Variants in SLC12A2 observed in about 807,000 individuals in gnomAD.
SLC12A2 encodes the protein Na-K-2Cl cotransporter 1.
A neutral mutation model predicts 136.3 loss-of-function variants in SLC12A2; 67 were observed. The observed-to-expected ratio is 0.49, with a 90% CI of 0.40 to 0.60. The LOEUF (loss-of-function observed/expected upper bound fraction) is 0.60. Among genes scored for constraint, SLC12A2 ranks in the 20% least tolerant of loss-of-function variants. The probability of loss-of-function intolerance (pLI) is 0.00; values close to 1 mark genes in which losing one functional copy is unlikely to be tolerated. For synonymous variants in SLC12A2, 619 were observed against 562.9 expected, an observed-to-expected ratio of 1.10 and a Z score of -1.41; for missense variants, 1,322 against 1,534.7, an observed-to-expected ratio of 0.86 and a Z score of 2.32.
chr5:128,184,098 GT>G (rs1763793672), intron 24 of SLC12A2, among the ~76,000 whole-genome samples: 1 of 151,980 alleles, frequency 6.6e-6, no homozygotes, highest in South Asian at 2.1e-4. Flanking sequence ...TGCTTAGAAA[GT>G]TTTAGATTTT....
rs1465917652 is a variant in SLC12A2, at chr5:128,180,889, C to T, written c.3107C>T (p.Thr1036Ile). The T allele has an allele frequency of 6.4e-7, 1 of 1,569,400 alleles. No homozygotes were observed. Among genetic ancestry groups the T allele is most frequent in the Non-Finnish European group, 8.8e-7 (1 of 1,141,222 alleles). ...TTACATTTTTATAATTCAGGTTTGA[C>T]CTTATTGATACCTTACCTTCTGACG... is the stretch of plus-strand genomic sequence containing the variant. ...VWWLFDDGGL[T>I]LLIPYLLTTK... is the part of the protein sequence containing the mutation. Residue 1036 changes from threonine (T) to isoleucine (I), a missense_variant, in exon 23 of 27, where the codon ACC becomes ATC. By Grantham distance (89) the Thr-to-Ile change is moderately conservative. This residue lies in a region of SLC12A2 where 172 missense variants were observed against 227.4 expected (regional missense o/e 0.76). Coordinates refer to ENST00000262461, the MANE Select transcript of SLC12A2 (RefSeq NM_001046.3).
In SLC12A2 at chr5:128,084,152, C is replaced by A; in HGVS notation, c.198C>A (p.Asp66Glu). The change falls in exon 1 of 27, where the codon GAC (aspartate) becomes GAA (glutamate). Residue 66 changes from aspartate (D) to glutamate (E), a missense_variant. Coordinates refer to ENST00000262461, the MANE Select transcript of SLC12A2 (RefSeq NM_001046.3). This position sits in a 1 kb window ranked among gnomAD's most constrained non-coding sequence, Gnocchi z 5.6. ...ATGAGGGCCCCGCGGCGGCCGGGGA[C>A]GGGCTGGGCAGACCCTTGGGGCCCA... ...VRDEGPAAAG[D>E]GLGRPLGPTP... is the part of the protein sequence containing the mutation. 1 of 1,292,122 alleles carries A rather than the reference C, an allele frequency of 7.7e-7. No homozygotes were observed. The highest frequency in any genetic ancestry group is 2.4e-5 in the South Asian group (1 of 41,488). 80.0% of individuals were successfully genotyped at this position (1,292,122 alleles called of 1,614,324 possible).
intron 4 of SLC12A2, among the ~76,000 whole-genome samples, chr5:128,126,465 A>G (rs1028256892): frequency 1.3e-5 from 2 of 152,182 alleles, no homozygotes; most frequent in Non-Finnish European, 1.5e-5. Flanking sequence ...TATGGAGGAC[A>G]GTTTGGAAGT....
chr5:128,142,662 G>T (rs553382210), intron 10 of SLC12A2, among the ~76,000 whole-genome samples: 7 of 152,086 alleles, frequency 4.6e-5, no homozygotes, highest in African/African-American at 1.7e-4. Flanking sequence ...ATTCTGTTCT[G>T]TTGATCTTCG....
chr5:128,105,732 C>T (rs551760597), intron 1 of SLC12A2, among the ~76,000 whole-genome samples: 1 of 152,202 alleles, frequency 6.6e-6, no homozygotes, highest in African/African-American at 2.4e-5. Context: ...TTCTCTACAT[C>T]CTGCAAGGAA....
chr5:128,182,012 G>T (rs1763722313), intron 23 of SLC12A2, among the ~76,000 whole-genome samples: 1 of 146,298 alleles, frequency 6.8e-6, no homozygotes, highest in Non-Finnish European at 1.5e-5. Context: ...ATCACATTAT[G>T]GCTGGTATTA....
intron 9 of SLC12A2, 24 bp downstream of exon 9, chr5:128,138,932 T>C: frequency 6.6e-7 from 1 of 1,512,340 alleles, no homozygotes; most frequent in Non-Finnish European, 9.2e-7. Flanking sequence ...CATTTCTTTA[T>C]GTGTCGCAGA....
intron 1 of SLC12A2, among the ~76,000 whole-genome samples, chr5:128,107,658 A>G (rs1336929321): frequency 1.3e-5 from 2 of 152,196 alleles, no homozygotes; most frequent in East Asian, 1.9e-4. Context: ...TTCTATGTGT[A>G]TATGTGCAAC....
rs1026328290 is a variant in SLC12A2, at chr5:128,131,385, C to T, written c.1188+179C>T. Reference sequence around the variant, plus strand: ...TACTATTAGAATGTCAGCAGTGGGCCGGGCGCGGTGGCTCGCGCATGTAAT... The same window carrying T: ...TACTATTAGAATGTCAGCAGTGGGCTGGGCGCGGTGGCTCGCGCATGTAAT... On this transcript the variant is annotated intron_variant, in intron 5 of 26. Transcript: ENST00000262461. Among the ~76,000 whole-genome samples, 5 of 152,118 alleles carry T rather than the reference C, an allele frequency of 3.3e-5. No individual in the cohort carries two copies. The South Asian group carries it at 6.2e-4, about 19-fold the overall frequency.
chr5:128,176,696 TGTTCA>T lies in SLC12A2; in HGVS notation c.2930-405_2930-401del, dbSNP rs1001863053. Among the ~76,000 whole-genome samples the T allele has an allele frequency of 6.8e-4, 104 of 152,140 alleles. 1 individual carries two copies. Among genetic ancestry groups the T allele is most frequent in the African/African-American group, 2.4e-3 (101 of 41,564 alleles). On this transcript the variant is annotated intron_variant, in intron 20 of 26. Transcript: ENST00000262461. ...ATCCATTAAATGTTTCTAAAATTGC[TGTTCA>T]GTTATTTGCACAGTGATGGCATGTT...
chr5:128,121,077 T>A (rs925312743), intron 4 of SLC12A2, among the ~76,000 whole-genome samples: 20 of 152,094 alleles, frequency 1.3e-4, no homozygotes, highest in Non-Finnish European at 2.8e-4. Context: ...TAGGAGAGAT[T>A]TAATATTACT....
At chr5:128,107,088 CT>C (rs1408259160) in intron 1 of SLC12A2, among the ~76,000 whole-genome samples, 2 of 152,196 alleles carry the variant, frequency 1.3e-5, no homozygotes, top group Middle Eastern at 3.4e-3. Context: ...GGCAGATTTT[CT>C]TGTTCTGGCT....
At chr5:128,155,769 G>A (rs1032005350) in intron 15 of SLC12A2, among the ~76,000 whole-genome samples, 3 of 152,118 alleles carry the variant, frequency 2.0e-5, no homozygotes, top group African/African-American at 7.2e-5. Context: ...CCTTAATGTA[G>A]ATTAATGTGG....
intron 1 of SLC12A2, among the ~76,000 whole-genome samples, chr5:128,103,870 TG>T (rs1421240168): frequency 2.6e-5 from 4 of 152,174 alleles, no homozygotes; most frequent in Non-Finnish European, 4.4e-5. Flanking sequence ...GATAAGAGTT[TG>T]GGGTATTATA....
intron 15 of SLC12A2, among the ~76,000 whole-genome samples, chr5:128,157,210 T>C (rs1762894636): frequency 6.6e-6 from 1 of 152,208 alleles, no homozygotes; most frequent in Non-Finnish European, 1.5e-5. Context: ...ATAAATCCTT[T>C]TCTGAAGGAA....
At chr5:128,132,802 ATAT>A (rs2126700036) in intron 5 of SLC12A2, among the ~76,000 whole-genome samples, 1 of 152,164 alleles carries the variant, frequency 6.6e-6, no homozygotes, top group East Asian at 1.9e-4. Context: ...ATTAGAGTTT[ATAT>A]TCTTTCATTG....
intron 4 of SLC12A2, among the ~76,000 whole-genome samples, chr5:128,122,670 G>A (rs1465836452): frequency 6.6e-6 from 1 of 152,006 alleles, no homozygotes; most frequent in African/African-American, 2.4e-5. Flanking sequence ...AATAGATAAA[G>A]CCAAAAACAT....
chr5:128,171,521 AG>A (rs1393037961), intron 18 of SLC12A2, 145 bp from the exon 19 acceptor site: 2 of 625,846 alleles, frequency 3.2e-6, no homozygotes, highest in East Asian at 5.7e-5. Flanking sequence ...TATCTCAACA[AG>A]TGATTTTCAA....
chr5:128,135,922 T>C, intron 7 of SLC12A2, 114 bp downstream of exon 7: 1 of 693,088 alleles, frequency 1.4e-6, no homozygotes, highest in Non-Finnish European at 2.5e-6. Context: ...GGTTTGGTGA[T>C]TCACCCTAAT....
Sources: gnomAD v4.1 joint callset for allele counts (sites outside exome capture counted in the v4.1 genomes callset) on GRCh38, gnomAD v4.1.1 for gene constraint, gnomAD v4.1.1 regional missense constraint, Gnocchi (gnomAD v3.1) non-coding constraint, MANE v1.5 for transcripts, NCBI Gene and HGNC (gene_info 2026-07-23, HGNC 2026-07-21) for gene names.